Variants in CTNND2 observed in about 807,000 individuals in gnomAD.
CTNND2 encodes the protein catenin delta 2, also known as catenin delta-2.
In CTNND2, 22 loss-of-function variants were observed where a neutral mutation model predicts 144.4. That is an observed-to-expected ratio of 0.15 (90% confidence interval 0.11 to 0.22). The LOEUF (loss-of-function observed/expected upper bound fraction) is 0.22, where lower values mean the gene tolerates loss of function less well. CTNND2 is among the 10% of genes least tolerant of loss of function. CTNND2 has a pLI of 1.00. For synonymous variants in CTNND2, 751 were observed against 695.6 expected, an observed-to-expected ratio of 1.08 and a Z score of -1.25; for missense variants, 1,353 against 1,618.8, an observed-to-expected ratio of 0.84 and a Z score of 2.82.
Position 11,822,612 on chromosome 5 carries a change from T to C in CTNND2, c.37+81205A>G, listed in dbSNP as rs534013125. 2.2e-4 allele frequency among the ~76,000 whole-genome samples: 34 copies of C among 152,208 alleles called. No individual in the cohort carries two copies. In the South Asian group the frequency reaches 6.6e-3, roughly 30 times the overall value. ...ATTACCACAAATAAGTTATAAAATA[T>C]TGTGACTTCCATATTGATAGTAGTC... On this transcript the variant is annotated intron_variant, in intron 1 of 21. Transcript: ENST00000304623.
intron 9 of CTNND2, among the ~76,000 whole-genome samples, chr5:11,274,136 T>C (rs994127923): frequency 6.6e-6 from 1 of 152,186 alleles, no homozygotes; most frequent in African/African-American, 2.4e-5. Context: ...ATTCATCACT[T>C]GTTCTCATTC....
At chr5:11,489,138 C>G (rs77665191) in intron 3 of CTNND2, among the ~76,000 whole-genome samples, 2,526 of 152,262 alleles carry the variant, frequency 0.017, 72 homozygotes, top group African/African-American at 0.058. Flanking sequence ...CTGTTTTCCA[C>G]AGTCTATAGT....
At chr5:11,551,854 G>A (rs1775794580) in intron 3 of CTNND2, among the ~76,000 whole-genome samples, 1 of 152,110 alleles carries the variant, frequency 6.6e-6, no homozygotes, top group Admixed American at 6.5e-5. Context: ...GCCCACCTCA[G>A]CCTCCCAAAG....
At chr5:11,598,596 T>C (rs1413994069) in intron 2 of CTNND2, among the ~76,000 whole-genome samples, 1 of 152,162 alleles carries the variant, frequency 6.6e-6, no homozygotes, top group Admixed American at 6.6e-5. Context: ...TTAAGCCTCC[T>C]ATGAGAGGGT....
At chr5:11,654,695 A>T (rs544841769) in intron 2 of CTNND2, among the ~76,000 whole-genome samples, 15 of 151,738 alleles carry the variant, frequency 9.9e-5, no homozygotes, top group African/African-American at 3.4e-4. Flanking sequence ...GTCATCTACA[A>T]ATTTCACTTC....
At chr5:11,143,825 C>G (rs1756976697) in intron 12 of CTNND2, among the ~76,000 whole-genome samples, 1 of 152,222 alleles carries the variant, frequency 6.6e-6, no homozygotes, top group Non-Finnish European at 1.5e-5. Context: ...AATACAGGAC[C>G]AGGGACTGTG....
intron 1 of CTNND2, among the ~76,000 whole-genome samples, chr5:11,839,506 T>TTTCACTTGGGGAC (rs1276117757): frequency 6.6e-6 from 1 of 152,074 alleles, no homozygotes; most frequent in East Asian, 1.9e-4. Flanking sequence ...ACTAAGTGGA[T>TTTCACTTGGGGAC]TTCACTTGGG....
intron 12 of CTNND2, among the ~76,000 whole-genome samples, chr5:11,121,270 T>C (rs1754113163): frequency 6.6e-6 from 1 of 152,216 alleles, no homozygotes; most frequent in Non-Finnish European, 1.5e-5. Context: ...TCATGGTCCT[T>C]AGTGTTTGAC....
intron 1 of CTNND2, among the ~76,000 whole-genome samples, chr5:11,745,419 A>T (rs1024891097): frequency 5.9e-5 from 9 of 152,316 alleles, no homozygotes; most frequent in African/African-American, 2.2e-4. Context: ...TGGCATACGT[A>T]TATGAGTTTC....
rs1441263291 is a variant in CTNND2 at position 10,972,436 on chromosome 5, G to A, written c.*1017C>T. 6.6e-6 allele frequency: 1 copy of A among 152,206 alleles called. No homozygotes were observed. Among genetic ancestry groups the A allele is most frequent in the African/African-American group, 2.4e-5 (1 of 41,416 alleles). The allele number at this position is 152,206 out of a possible 1,614,324, so 9.4% of individuals were successfully genotyped here. ...ACACAGGTAATTTTTCTAGTACGTGGACATACATACACCCACACACACAGA... is the reference window on the plus strand; with the variant it reads ...ACACAGGTAATTTTTCTAGTACGTGAACATACATACACCCACACACACAGA... On this transcript the variant is annotated 3_prime_UTR_variant, in exon 22 of 22. Transcript: ENST00000304623.
intron 21 of CTNND2, among the ~76,000 whole-genome samples, chr5:10,979,910 G>A (rs1043943637): frequency 6.6e-6 from 1 of 152,174 alleles, no homozygotes; most frequent in South Asian, 2.1e-4. Flanking sequence ...AACTCAAGAT[G>A]TATCAAAGAC....
At chr5:11,747,358 A>G (rs573517428) in intron 1 of CTNND2, among the ~76,000 whole-genome samples, 5 of 152,320 alleles carry the variant, frequency 3.3e-5, no homozygotes, top group African/African-American at 1.2e-4. Context: ...GTTCTAACAT[A>G]TTTCATAAAA....
intron 5 of CTNND2, among the ~76,000 whole-genome samples, chr5:11,404,602 CTTTTTTTTTT>C (rs555388304): frequency 1.9e-4 from 11 of 57,386 alleles, no homozygotes; most frequent in Admixed American, 9.7e-4. Context: ...TATCTGTATT[CTTTTTTTTTT>C]TTTTTTTTTT....
At chr5:11,117,018 C>T (rs1753614496) in intron 13 of CTNND2, among the ~76,000 whole-genome samples, 1 of 151,840 alleles carries the variant, frequency 6.6e-6, no homozygotes, top group Admixed American at 6.6e-5. Context: ...TTCATTGCAC[C>T]ACTGCACTCC....
chr5:11,578,117 T>G (rs919437488), intron 2 of CTNND2, among the ~76,000 whole-genome samples: 2 of 152,188 alleles, frequency 1.3e-5, no homozygotes, highest in African/African-American at 4.8e-5. Flanking sequence ...TTATTTTTCA[T>G]AGCTCCTGCT....
intron 3 of CTNND2, among the ~76,000 whole-genome samples, chr5:11,470,426 T>G (rs945411849): frequency 6.6e-6 from 1 of 152,018 alleles, no homozygotes; most frequent in Non-Finnish European, 1.5e-5. Context: ...AGAATGAAAC[T>G]CTGTCTTAAA....
intron 16 of CTNND2, among the ~76,000 whole-genome samples, chr5:11,039,872 G>A (rs2149565473): frequency 6.6e-6 from 1 of 152,200 alleles, no homozygotes; most frequent in African/African-American, 2.4e-5. Flanking sequence ...GACCAGCTTG[G>A]CCAACATGAC....
chr5:11,693,123 A>T (rs907362240), intron 2 of CTNND2, among the ~76,000 whole-genome samples: 1 of 152,224 alleles, frequency 6.6e-6, no homozygotes, highest in African/African-American at 2.4e-5. Context: ...GGAGTAATTT[A>T]AAAATTCCTC....
At chr5:11,635,720 T>A (rs114797780) in intron 2 of CTNND2, among the ~76,000 whole-genome samples, 1,740 of 152,238 alleles carry the variant, frequency 0.011, 19 homozygotes, top group East Asian at 0.036. Context: ...AAGAATATCT[T>A]TTTTTTCTTA....
Sources: gnomAD v4.1 joint callset for allele counts (sites outside exome capture counted in the v4.1 genomes callset) on GRCh38, gnomAD v4.1.1 for gene constraint, MANE v1.5 for transcripts, NCBI Gene and HGNC (gene_info 2026-07-23, HGNC 2026-07-21) for gene names.